PIAS2: variants seen among roughly 807,000 people sequenced by gnomAD.
PIAS2 encodes the protein protein inhibitor of activated STAT 2, also known as E3 SUMO-protein ligase PIAS2.
A neutral mutation model predicts 69.7 loss-of-function variants in PIAS2; 19 were observed. That is an observed-to-expected ratio of 0.27 (90% CI 0.19 to 0.40). PIAS2 has a LOEUF of 0.40. Ranked by LOEUF, PIAS2 falls within the 10% of genes least tolerant of loss-of-function variation. The pLI is 1.00. For synonymous variants in PIAS2, 261 were observed against 263.2 expected (o/e 0.99, Z 0.08); for missense variants, 624 against 757.0 (o/e 0.82, Z 2.06).
chr18:46,879,737 A>C (rs962564430), intron 2 of PIAS2, among the ~76,000 whole-genome samples: 1 of 152,242 alleles, frequency 6.6e-6, no homozygotes, highest in African/African-American at 2.4e-5. Flanking sequence ...AAAAGGAAAA[A>C]AAATCTGACA....
intron 9 of PIAS2, among the ~76,000 whole-genome samples, chr18:46,831,284 C>G (rs1294736790): frequency 2.0e-5 from 3 of 151,816 alleles, no homozygotes; most frequent in Non-Finnish European, 4.4e-5. Context: ...TTAAATACCA[C>G]AGAGATATGA....
In PIAS2 at chr18:46,829,880, TAAG is replaced by T. The variant is rs748849819; in HGVS notation, c.1203-16_1203-14del. The T allele has an allele frequency of 6.2e-7, 1 of 1,609,238 alleles. No homozygotes were observed. The highest frequency in any genetic ancestry group is 1.1e-5 in the South Asian group (1 of 90,356). The stretch of plus-strand genomic sequence containing the variant: ...TTCCATAAAAAGCCTAAAAAACAAT[TAAG>T]AAGTACATACATGTGATCAACAGCT... On this transcript the variant is annotated splice_polypyrimidine_tract_variant and intron_variant, in intron 9 of 13. Coordinates refer to ENST00000585916, the MANE Select transcript of PIAS2 (RefSeq NM_004671.5).
chr18:46,855,992 C>CCTTTTTTTT (rs2047694490), intron 3 of PIAS2, among the ~76,000 whole-genome samples: 1 of 69,150 alleles, frequency 1.4e-5, no homozygotes, highest in Non-Finnish European at 3.0e-5. Flanking sequence ...TTTTCTTTTT[C>CCTTTTTTTT]TTTTGTTTTT....
chr18:46,867,022 T>G (rs577888474), intron 2 of PIAS2, among the ~76,000 whole-genome samples: 1 of 152,348 alleles, frequency 6.6e-6, no homozygotes, highest in South Asian at 2.1e-4. Context: ...GGTTCCATAG[T>G]CATGTTGTAC....
intron 1 of PIAS2, among the ~76,000 whole-genome samples, chr18:46,899,242 TGAA>T (rs2055400477): frequency 6.6e-6 from 1 of 151,668 alleles, no homozygotes; most frequent in Non-Finnish European, 1.5e-5. Context: ...ACACAAAAAG[TGAA>T]GAAGTAGAGG....
chr18:46,912,281 T>C (rs758172654), intron 1 of PIAS2, among the ~76,000 whole-genome samples: 1 of 152,206 alleles, frequency 6.6e-6, no homozygotes, highest in Non-Finnish European at 1.5e-5. Flanking sequence ...TGAAATGGCA[T>C]AGTATTTGCA....
At chr18:46,905,591 A>T (rs1312834768) in intron 1 of PIAS2, among the ~76,000 whole-genome samples, 2 of 152,136 alleles carry the variant, frequency 1.3e-5, no homozygotes, top group Non-Finnish European at 2.9e-5. Flanking sequence ...GCCAAAAATT[A>T]TCAAGAAAAA....
chr18:46,855,772 A>C (rs1195317969), intron 3 of PIAS2, among the ~76,000 whole-genome samples, 157 bp from the exon 4 acceptor site: 2 of 152,168 alleles, frequency 1.3e-5, no homozygotes, highest in Admixed American at 6.5e-5. Flanking sequence ...TAATGAAATC[A>C]CTGTAATGAT....
At chr18:46,860,884 G>T (rs995026417) in intron 3 of PIAS2, among the ~76,000 whole-genome samples, 3 of 152,112 alleles carry the variant, frequency 2.0e-5, no homozygotes, top group Non-Finnish European at 4.4e-5. Context: ...GGCTGAGATG[G>T]GAGGATCATT....
chr18:46,817,525 T>C (rs8088346), intron 12 of PIAS2: 71,530 of 935,894 alleles, frequency 0.076, 2,875 homozygotes, highest in Non-Finnish European at 0.08. Context: ...TTCATGTGTG[T>C]GGTAAATATA....
intron 7 of PIAS2, among the ~76,000 whole-genome samples, 161 bp downstream of exon 7, chr18:46,844,573 A>C (rs1343636055): frequency 6.6e-6 from 1 of 152,150 alleles, no homozygotes; most frequent in African/African-American, 2.4e-5. Flanking sequence ...TAATGTGTCT[A>C]CAATTTTACT....
intron 1 of PIAS2, among the ~76,000 whole-genome samples, chr18:46,893,010 A>T (rs2054296658): frequency 6.6e-6 from 1 of 152,192 alleles, no homozygotes; most frequent in Non-Finnish European, 1.5e-5. Context: ...ACATGTGGCC[A>T]CTAGCTACCA....
At chr18:46,889,651 C>T (rs558178863) in intron 2 of PIAS2, among the ~76,000 whole-genome samples, 7 of 152,162 alleles carry the variant, frequency 4.6e-5, no homozygotes, top group East Asian at 3.9e-4. Context: ...GCAGCTGCCA[C>T]GGAAAACAGT....
rs759000221 is a variant in PIAS2 at position 46,805,599 on chromosome 18, C to G, written c.*6834G>C. The G allele has an allele frequency of 6.6e-6, 1 of 152,186 alleles. No homozygotes were observed. Among genetic ancestry groups the G allele is most frequent in the East Asian group, 1.9e-4 (1 of 5,194 alleles). 9.4% of individuals were successfully genotyped at this position (152,186 alleles called of 1,614,324 possible). ...ATATGTAGAATGTGAACACAGCCCA[C>G]GCTGGTGTGAGCTGTAGGGTATGGC... On this transcript the variant is annotated 3_prime_UTR_variant, in exon 14 of 14. Transcript: ENST00000585916.
Position 46,816,856 on chromosome 18 carries a change from C to G in PIAS2, c.1649-1507G>C, listed in dbSNP as rs1285703868. On this transcript the variant is annotated intron_variant, in intron 12 of 13. Coordinates refer to ENST00000585916, the MANE Select transcript of PIAS2 (RefSeq NM_004671.5). The stretch of plus-strand genomic sequence containing the variant: ...CTAAACCAAAGAGAATTACAACAAA[C>G]TTTTCCAATGACTTCTCTATTAAAA... 5.1e-6 allele frequency: 5 copies of G among 979,390 alleles called. No individual in the cohort carries two copies. In the East Asian group the frequency reaches 3.4e-4, roughly 67 times the overall value. 60.7% of individuals were successfully genotyped at this position (979,390 alleles called of 1,614,324 possible). A position where few individuals can be genotyped will look rare whatever the true frequency, so the allele number is the denominator to read the frequency against.
intron 1 of PIAS2, among the ~76,000 whole-genome samples, chr18:46,914,535 T>A (rs1285656437): frequency 2.0e-5 from 3 of 151,674 alleles, no homozygotes; most frequent in African/African-American, 7.3e-5. Flanking sequence ...CCCTTAACAG[T>A]TGCCTAATCG....
At chr18:46,824,303 A>G (rs1456257878) in intron 11 of PIAS2, among the ~76,000 whole-genome samples, 2 of 152,160 alleles carry the variant, frequency 1.3e-5, no homozygotes, top group Non-Finnish European at 2.9e-5. Context: ...TATGATCATA[A>G]AAGTATAAAA....
At chr18:46,837,520 T>G (rs1423384352) in intron 8 of PIAS2, among the ~76,000 whole-genome samples, 2 of 152,210 alleles carry the variant, frequency 1.3e-5, no homozygotes, top group Non-Finnish European at 2.9e-5. Flanking sequence ...GCAAATATAT[T>G]TTTCATTTAT....
chr18:46,887,191 A>G (rs565400401), intron 2 of PIAS2, among the ~76,000 whole-genome samples: 1 of 152,210 alleles, frequency 6.6e-6, no homozygotes, highest in South Asian at 2.1e-4. Context: ...AAGAGATAAA[A>G]TGCAATACTC....
Sources: gnomAD v4.1 joint callset for allele counts (sites outside exome capture counted in the v4.1 genomes callset) on GRCh38, gnomAD v4.1.1 for gene constraint, MANE v1.5 for transcripts, NCBI Gene and HGNC (gene_info 2026-07-23, HGNC 2026-07-21) for gene names.